RRP15: variants seen among roughly 807,000 people sequenced by gnomAD.
The protein encoded by RRP15 is ribosomal RNA processing 15 homolog, also known as RRP15-like protein.
In RRP15, 18 loss-of-function variants were observed where a neutral mutation model predicts 27.1. The observed-to-expected ratio is 0.66, with a 90% CI of 0.46 to 0.98. The LOEUF (loss-of-function observed/expected upper bound fraction) is 0.98, where lower values mean the gene tolerates loss of function less well. Among genes scored for constraint, RRP15 ranks in the 50% least tolerant of loss-of-function variants. The pLI, the probability that RRP15 is intolerant of heterozygous loss-of-function variation, is 0.00. For synonymous variants in RRP15, 107 were observed against 109.4 expected (o/e 0.98, Z 0.14); for missense variants, 359 against 337.8 (o/e 1.06, Z -0.49).
intron 1 of RRP15, among the ~76,000 whole-genome samples, chr1:218,287,160 TG>T (rs1408187992): frequency 6.7e-6 from 1 of 149,318 alleles, no homozygotes; most frequent in Admixed American, 6.7e-5. Flanking sequence ...TTTTTTTTTT[TG>T]GTAGAGATGG....
intron 1 of RRP15, among the ~76,000 whole-genome samples, chr1:218,296,200 C>G (rs1479950189): frequency 6.6e-6 from 1 of 152,172 alleles, no homozygotes; most frequent in Non-Finnish European, 1.5e-5. Flanking sequence ...TAGTTCAGTA[C>G]ACATTAGTCC....
intron 4 of RRP15, among the ~76,000 whole-genome samples, chr1:218,320,759 A>C (rs12092355): frequency 0.051 from 7,760 of 152,202 alleles, 671 homozygotes; most frequent in African/African-American, 0.17. Flanking sequence ...CAAAACAAAA[A>C]AAAAATCAGT....
At chr1:218,326,467 AT>A (rs1254131534) in intron 4 of RRP15, among the ~76,000 whole-genome samples, 1 of 151,982 alleles carries the variant, frequency 6.6e-6, no homozygotes, top group African/African-American at 2.4e-5. Flanking sequence ...TTGTGTTTGC[AT>A]TGTTCTCTTC....
intron 4 of RRP15, among the ~76,000 whole-genome samples, chr1:218,320,649 C>A (rs981763212): frequency 9.2e-5 from 14 of 151,962 alleles, no homozygotes; most frequent in African/African-American, 3.4e-4. Flanking sequence ...CATATGTCCA[C>A]ATTTTGCCAT....
At chr1:218,302,004 C>G in intron 1 of RRP15, 1 of 325,202 alleles carries the variant, frequency 3.1e-6, no homozygotes. Flanking sequence ...ACCATTTTGA[C>G]AATAAGGACG....
chr1:218,292,142 T>G (rs1335759030), intron 1 of RRP15, among the ~76,000 whole-genome samples: 1 of 152,190 alleles, frequency 6.6e-6, no homozygotes, highest in Non-Finnish European at 1.5e-5. Context: ...AGCCTTCAAT[T>G]TTTCAAACAA....
At chr1:218,285,540 T>C in intron 1 of RRP15, 85 bp downstream of exon 1, 1 of 1,573,022 alleles carries the variant, frequency 6.4e-7, no homozygotes, top group Admixed American at 1.8e-5. Flanking sequence ...CTTCATTTGC[T>C]GCTAGCCACC....
intron 4 of RRP15, among the ~76,000 whole-genome samples, chr1:218,310,803 C>A: frequency 6.6e-6 from 1 of 151,430 alleles, no homozygotes; most frequent in Non-Finnish European, 1.5e-5. Flanking sequence ...GGCAGGAGTG[C>A]AGTGGAGCAA....
chr1:218,289,289 T>C (rs758677317), intron 1 of RRP15, among the ~76,000 whole-genome samples: 8 of 152,194 alleles, frequency 5.3e-5, no homozygotes, highest in Admixed American at 1.3e-4. Flanking sequence ...TGATGGCATT[T>C]CTATTTTACA....
intron 4 of RRP15, among the ~76,000 whole-genome samples, chr1:218,328,411 TC>T (rs1430823961): frequency 6.6e-6 from 1 of 152,118 alleles, no homozygotes; most frequent in Admixed American, 6.5e-5. Context: ...GCCTGTAATC[TC>T]AGCACTTTGG....
rs183390772 is a variant in RRP15 at position 218,299,254 on chromosome 1, G to A, written c.140-3040G>A. Among the ~76,000 whole-genome samples the A allele has an allele frequency of 1.1e-4, 16 of 152,180 alleles. 1 individual carries two copies. Among genetic ancestry groups the A allele is most frequent in the Admixed American group, 9.8e-4 (15 of 15,276 alleles). ...TGAATGCCTGATTAAAAACTTCTGA[G>A]ATAGAGCTTCTTTAAGAAAATAATA... On this transcript the variant is annotated intron_variant, in intron 1 of 4. Coordinates refer to ENST00000366932, the MANE Select transcript of RRP15 (RefSeq NM_016052.4).
At chr1:218,328,400 C>T (rs752745850) in intron 4 of RRP15, among the ~76,000 whole-genome samples, 5 of 152,180 alleles carry the variant, frequency 3.3e-5, no homozygotes, top group Non-Finnish European at 5.9e-5. Flanking sequence ...CGGTGGCTCA[C>T]GCCTGTAATC....
chr1:218,314,215 A>C (rs1315368904), intron 4 of RRP15, among the ~76,000 whole-genome samples: 1 of 152,116 alleles, frequency 6.6e-6, no homozygotes, highest in African/African-American at 2.4e-5. Context: ...GGAAGCAACA[A>C]AAACATATTT....
intron 4 of RRP15, among the ~76,000 whole-genome samples, chr1:218,322,756 C>T (rs1216040352): frequency 3.3e-5 from 5 of 152,136 alleles, no homozygotes. Context: ...TGTCGCTTCA[C>T]CAGCTGGAAA....
chr1:218,304,656 T>C (rs180797783), intron 2 of RRP15, among the ~76,000 whole-genome samples: 1 of 152,350 alleles, frequency 6.6e-6, no homozygotes, highest in Non-Finnish European at 1.5e-5. Flanking sequence ...AAAGATAAAC[T>C]TATAATTTTC....
rs527805146 is a variant in RRP15 at position 218,330,579 on chromosome 1, T to G, written c.706-369T>G. 2.0e-5 allele frequency among the ~76,000 whole-genome samples: 3 copies of G among 152,334 alleles called. No individual in the cohort carries two copies. In the East Asian group the frequency reaches 5.8e-4, roughly 29 times the overall value. On this transcript the variant is annotated intron_variant, in intron 4 of 4. Transcript: ENST00000366932. ...AAATAATTTGCCCAAAATTTTCTAG[T>G]AAATTATCACTGAAGGTTAAATAGT... is the stretch of plus-strand genomic sequence containing the variant.
At chr1:218,292,104 G>T (rs376791487) in intron 1 of RRP15, among the ~76,000 whole-genome samples, 1 of 152,190 alleles carries the variant, frequency 6.6e-6, no homozygotes. Flanking sequence ...CCGAAGTGTT[G>T]GGATTACAGG....
intron 2 of RRP15, among the ~76,000 whole-genome samples, 167 bp from the exon 3 acceptor site, chr1:218,304,861 A>G (rs888296827): frequency 2.0e-5 from 3 of 152,156 alleles, no homozygotes; most frequent in Admixed American, 6.5e-5. Context: ...AGTGCTAACC[A>G]CAGGCTCTCG....
At chr1:218,317,872 G>A (rs1656115091) in intron 4 of RRP15, among the ~76,000 whole-genome samples, 1 of 151,410 alleles carries the variant, frequency 6.6e-6, no homozygotes, top group African/African-American at 2.4e-5. Context: ...AGTAGCTAGA[G>A]CCACAGGCAC....
Sources: allele counts gnomAD v4.1 joint callset (sites outside exome capture counted in the v4.1 genomes callset), GRCh38; gene constraint gnomAD v4.1.1; transcripts MANE v1.5; gene names NCBI Gene and HGNC (gene_info 2026-07-23, HGNC 2026-07-21).